TTF1: variants seen among roughly 807,000 people sequenced by gnomAD.
TTF1 encodes transcription termination factor, RNA polymerase I.
A neutral mutation model predicts 80.2 loss-of-function variants in TTF1; 64 were observed. That is an observed-to-expected ratio of 0.80 (90% CI 0.65 to 0.98). TTF1 has a LOEUF of 0.98. Among genes scored for constraint, TTF1 ranks in the 50% least tolerant of loss-of-function variants. The probability of loss-of-function intolerance (pLI) is 0.00; values close to 1 mark genes in which losing one functional copy is unlikely to be tolerated. For synonymous variants in TTF1, 372 were observed against 382.7 expected (o/e 0.97, Z 0.33); for missense variants, 1,023 against 1,086.2 (o/e 0.94, Z 0.82).
chr9:132,400,086 T>C lies in TTF1; in HGVS notation c.1540A>G (p.Lys514Glu). The C allele has an allele frequency of 6.2e-7, 1 of 1,614,208 alleles. No individual in the cohort carries two copies. Among genetic ancestry groups the C allele is most frequent in the Non-Finnish European group, 8.5e-7 (1 of 1,180,044 alleles). ...NIKDRATSTI[K>E]RMYRDDLERF... The stretch of plus-strand genomic sequence containing the variant: ...TCCAAGTCGTCCCGGTACATCCGCT[T>C]GATTGTGCTGGTGGCCCTGTCCTTG... The change falls in exon 3 of 11, where the codon AAG becomes GAG. Residue 514 changes from lysine to glutamate, a missense_variant. Lys to Glu is a moderately conservative substitution (Grantham distance 56). Transcript: ENST00000334270.
At chr9:132,404,144 A>G (rs1449126710) in intron 1 of TTF1, among the ~76,000 whole-genome samples, 2 of 152,182 alleles carry the variant, frequency 1.3e-5, no homozygotes, top group African/African-American at 2.4e-5. Flanking sequence ...AATGATCTTC[A>G]TATTTCCTCT....
At chr9:132,380,266 A>G (rs1221541526) in intron 9 of TTF1, among the ~76,000 whole-genome samples, 1 of 152,052 alleles carries the variant, frequency 6.6e-6, no homozygotes, top group Non-Finnish European at 1.5e-5. Context: ...TTTAGTAAAG[A>G]TAGGGCTTCA....
chr9:132,400,073 C>A lies in TTF1; in HGVS notation c.1553G>T (p.Arg518Leu), dbSNP rs746057711. ...RATSTIKRMY[R>L]DDLERFKEFK... The stretch of plus-strand genomic sequence containing the variant: ...TTCCTTAAACCGTTCCAAGTCGTCC[C>A]GGTACATCCGCTTGATTGTGCTGGT... Residue 518 changes from arginine (R) to leucine (L), a missense_variant, in exon 3 of 11, where the codon CGG becomes CTG. Transcript: ENST00000334270. The A allele has an allele frequency of 6.2e-7, 1 of 1,614,178 alleles. No individual in the cohort carries two copies. Among genetic ancestry groups the A allele is most frequent in the Non-Finnish European group, 8.5e-7 (1 of 1,180,044 alleles).
intron 5 of TTF1, among the ~76,000 whole-genome samples, chr9:132,392,487 C>G (rs1485352795): frequency 6.6e-6 from 1 of 152,184 alleles, no homozygotes; most frequent in African/African-American, 2.4e-5. Context: ...GTGGAAACGG[C>G]CTTCCTCCAC....
At chr9:132,378,281 ATGCATGTGGTGAG>A (rs1849282724) in intron 10 of TTF1, among the ~76,000 whole-genome samples, 2 of 75,982 alleles carry the variant, frequency 2.6e-5, no homozygotes. Flanking sequence ...TGGTGTGTGA[ATGCATGTGGTGAG>A]TGCATGTGGT....
At chr9:132,386,528 T>C (rs201487107) in intron 9 of TTF1, 28 bp downstream of exon 9, 85 of 1,524,304 alleles carry the variant, frequency 5.6e-5, no homozygotes, top group Non-Finnish European at 5.8e-5. Flanking sequence ...ATATTTTAAT[T>C]AGTTTAATAT....
chr9:132,379,267 C>A, intron 9 of TTF1, 123 bp from the exon 10 acceptor site: 1 of 599,710 alleles, frequency 1.7e-6, no homozygotes, highest in Non-Finnish European at 2.7e-6. Context: ...AACATAAGAT[C>A]ATCATACATG....
chr9:132,390,682 G>C lies in TTF1; in HGVS notation c.2137C>G (p.Arg713Gly). 2 of 1,614,150 alleles carry C rather than the reference G, an allele frequency of 1.2e-6. No homozygotes were observed. Among genetic ancestry groups the C allele is most frequent in the Non-Finnish European group, 1.7e-6 (2 of 1,180,030 alleles). ...GATATGCCCTTGTAGAGTTTTTCCC[G>C]AACAATTGATAGGCAACTTTCAGGA... ...ENPESCLSIV[R>G]EKLYKGISWV... The change falls in exon 7 of 11, where the codon CGG (arginine) becomes GGG (glycine). Residue 713 changes from arginine (R) to glycine (G), a missense_variant. Physicochemically the swap from Arg to Gly is moderately radical, Grantham distance 125. Coordinates refer to ENST00000334270, the MANE Select transcript of TTF1 (RefSeq NM_007344.4).
intron 9 of TTF1, among the ~76,000 whole-genome samples, chr9:132,380,137 T>G (rs1489801749): frequency 1.3e-5 from 2 of 152,124 alleles, no homozygotes; most frequent in African/African-American, 4.8e-5. Flanking sequence ...AGGCACATTC[T>G]CAGTTCACTG....
Position 132,402,178 on chromosome 9 carries a change from T to C in TTF1, c.644A>G (p.His215Arg). 1 of 1,614,196 alleles carries C rather than the reference T, an allele frequency of 6.2e-7. No homozygotes were observed. The highest frequency in any genetic ancestry group is 1.3e-5 in the African/African-American group (1 of 75,044). Reference sequence around the variant, plus strand: ...CTTTTTTTTCTTAGACTTGTTTTTATGAGCAGATGCTGGTAGTTCTGTAAT... The same window carrying C: ...CTTTTTTTTCTTAGACTTGTTTTTACGAGCAGATGCTGGTAGTTCTGTAAT... ...GEITELPASAHKNKSKKKKKK... is the reference protein window; with the variant it reads ...GEITELPASARKNKSKKKKKK... The change falls in exon 2 of 11, where the codon CAT becomes CGT. Residue 215 changes from histidine to arginine, a missense_variant. Transcript: ENST00000334270.
rs374627711 is a variant in TTF1 at position 132,380,494 on chromosome 9, CTA to C, written c.2379-1352_2379-1351del. On this transcript the variant is annotated intron_variant, in intron 9 of 10. Transcript: ENST00000334270. ...AGACTTTAAGTGGAGTCCCTGGACT[CTA>C]TGCCAAATCTGTCTCACTCTGAAAC... 5.0e-3 allele frequency among the ~76,000 whole-genome samples: 758 copies of C among 152,346 alleles called. 13 individuals carry two copies. The highest frequency in any genetic ancestry group is 0.017 in the African/African-American group (724 of 41,584).
At chr9:132,391,946 A>G in intron 6 of TTF1, 130 bp downstream of exon 6, 1 of 1,423,454 alleles carries the variant, frequency 7.0e-7, no homozygotes, top group African/African-American at 1.4e-5. Flanking sequence ...TATAGAGAAC[A>G]GCTTAAGAAA....
At chr9:132,397,485 G>A (rs975426025) in intron 4 of TTF1, among the ~76,000 whole-genome samples, 3 of 152,128 alleles carry the variant, frequency 2.0e-5, no homozygotes, top group African/African-American at 7.2e-5. Context: ...CACACATATG[G>A]CCACACTTAA....
chr9:132,403,372 CT>C (rs1013386425), intron 1 of TTF1, among the ~76,000 whole-genome samples: 1 of 152,160 alleles, frequency 6.6e-6, no homozygotes, highest in Non-Finnish European at 1.5e-5. Context: ...CATAAGGCCC[CT>C]GTCCCCCACA....
chr9:132,383,941 CA>C (rs1849416052), intron 9 of TTF1, among the ~76,000 whole-genome samples: 1 of 152,116 alleles, frequency 6.6e-6, no homozygotes, highest in Admixed American at 6.5e-5. Flanking sequence ...AGGCCTTTTG[CA>C]GTCAGTTACT....
Position 132,384,439 on chromosome 9 carries a change from G to C in TTF1, c.2378+2117C>G, listed in dbSNP as rs1317261796. 6.6e-6 allele frequency among the ~76,000 whole-genome samples: 1 copy of C among 152,118 alleles called. No homozygotes were observed. Among genetic ancestry groups the C allele is most frequent in the Non-Finnish European group, 1.5e-5 (1 of 68,032 alleles). On this transcript the variant is annotated intron_variant, in intron 9 of 10. Transcript: ENST00000334270. This position sits in a 1 kb window ranked among gnomAD's most constrained non-coding sequence, Gnocchi z 4.1. ...GATAGGGTCAACGCAATCAAAGCTGGTGCTTTGAAAAGACAATCTCTGGTA... is the reference window on the plus strand; with the variant it reads ...GATAGGGTCAACGCAATCAAAGCTGCTGCTTTGAAAAGACAATCTCTGGTA...
Position 132,375,630 on chromosome 9 carries a change from C to T in TTF1, c.*285G>A. On this transcript the variant is annotated 3_prime_UTR_variant, in exon 11 of 11. Transcript: ENST00000334270. ...AAAGAGTAGAACTCTGGCCATTGTA[C>T]ATTCTTTATTAAACATCAATACTGA... 3.8e-6 allele frequency: 1 copy of T among 260,460 alleles called. No homozygotes were observed. Among genetic ancestry groups the T allele is most frequent in the South Asian group, 6.2e-5 (1 of 16,196 alleles). 16.1% of individuals were successfully genotyped at this position (260,460 alleles called of 1,614,324 possible). A position where few individuals can be genotyped will look rare whatever the true frequency, so the allele number is the denominator to read the frequency against.
chr9:132,378,973 C>T, intron 10 of TTF1, 86 bp downstream of exon 10: 1 of 978,206 alleles, frequency 1.0e-6, no homozygotes, highest in Admixed American at 2.6e-5. Flanking sequence ...GGCTCTAAGT[C>T]CAGTCACCTG....
rs1301246753 is a variant in TTF1, at chr9:132,379,853, T to A, written c.2379-709A>T. 2.6e-5 allele frequency among the ~76,000 whole-genome samples: 4 copies of A among 152,310 alleles called. No homozygotes were observed. The East Asian group carries it at 7.7e-4, about 29-fold the overall frequency. On this transcript the variant is annotated intron_variant, in intron 9 of 10. Coordinates refer to ENST00000334270, the MANE Select transcript of TTF1 (RefSeq NM_007344.4). ...ATTATTCTTAAATTGTATTTTAAAG[T>A]AAAAAACCACTAAACTTTTTGGGCA...
Sources: allele counts gnomAD v4.1 joint callset (sites outside exome capture counted in the v4.1 genomes callset), GRCh38; gene constraint gnomAD v4.1.1; non-coding constraint Gnocchi (gnomAD v3.1); transcripts MANE v1.5; gene names NCBI Gene and HGNC (gene_info 2026-07-23, HGNC 2026-07-21).